ZNF365: variants seen among roughly 807,000 people sequenced by gnomAD.
ZNF365 encodes the protein zinc finger protein 365.
Under a neutral mutation model 35.0 loss-of-function variants are expected in ZNF365, and 22 were observed. The observed-to-expected ratio is 0.63, with a 90% confidence interval of 0.45 to 0.90. The LOEUF (loss-of-function observed/expected upper bound fraction) is 0.90, where lower values mean the gene tolerates loss of function less well. ZNF365 is among the 40% of genes least tolerant of loss of function. The probability of loss-of-function intolerance (pLI) is 0.00; values close to 1 mark genes in which losing one functional copy is unlikely to be tolerated. For synonymous variants in ZNF365, 188 were observed against 196.2 expected, an observed-to-expected ratio of 0.96 and a Z score of 0.35; for missense variants, 448 against 500.3, an observed-to-expected ratio of 0.90 and a Z score of 1.00.
Position 62,398,746 on chromosome 10 carries a change from G to A in ZNF365, c.931G>A (p.Asp311Asn), listed in dbSNP as rs764329853. The A allele has an allele frequency of 2.5e-6, 4 of 1,612,282 alleles. No individual in the cohort carries two copies. Among genetic ancestry groups the A allele is most frequent in the Non-Finnish European group, 3.4e-6 (4 of 1,179,434 alleles). ...CTTATTTGTTTTCCTTCAGCTTACA[G>A]ACATCTCCTCAAATAGGAAGCCCAA... ...VRDLSGHVLT[D>N]ISSNRKPKCL... The change falls in exon 4 of 5, where the codon GAC becomes AAC. Residue 311 changes from aspartate (D) to asparagine (N), a missense_variant. Asp to Asn is a conservative substitution (Grantham distance 23). Coordinates refer to ENST00000395254, the MANE Select transcript of ZNF365 (RefSeq NM_014951.3).
At chr10:62,449,694 A>G (rs1275239865) in intron 3 of ZNF365, among the ~76,000 whole-genome samples, 1 of 152,190 alleles carries the variant, frequency 6.6e-6, no homozygotes, top group Non-Finnish European at 1.5e-5. Flanking sequence ...GCAGTAAATG[A>G]CAATCATCTC....
chr10:62,466,697 GTT>G lies in ZNF365; in HGVS notation c.981+6911_981+6912del, dbSNP rs61021349. ...TGTATTGCACTCAGTATATACTATA[GTT>G]TTTTTTTTTTCTTAATCACCAACAT... On this transcript the variant is annotated intron_variant, in intron 4 of 4. Transcript: ENST00000395255. Among the ~76,000 whole-genome samples, 479 of 148,174 alleles carry G rather than the reference GTT, an allele frequency of 3.2e-3. 5 individuals carry two copies. The highest frequency in any genetic ancestry group is 0.011 in the African/African-American group (462 of 40,778).
chr10:62,468,005 C>T, intron 4 of ZNF365, among the ~76,000 whole-genome samples: 1 of 152,034 alleles, frequency 6.6e-6, no homozygotes, highest in East Asian at 1.9e-4. Context: ...TGATATTTTC[C>T]CTGACTTCAT....
intron 3 of ZNF365, among the ~76,000 whole-genome samples, chr10:62,439,783 T>G (rs1490510463): frequency 6.6e-6 from 1 of 152,220 alleles, no homozygotes; most frequent in Non-Finnish European, 1.5e-5. Context: ...TTTAATGTCT[T>G]TATTGTTTAT....
intron 3 of ZNF365, among the ~76,000 whole-genome samples, chr10:62,424,936 A>T (rs1840229310): frequency 6.6e-6 from 1 of 152,212 alleles, no homozygotes; most frequent in Non-Finnish European, 1.5e-5. Context: ...TTGGGAAATG[A>T]GGCTAGAGAA....
chr10:62,441,795 G>T (rs1840506133), intron 3 of ZNF365, among the ~76,000 whole-genome samples: 6 of 151,892 alleles, frequency 4.0e-5, no homozygotes, highest in Admixed American at 3.3e-4. Context: ...TTGAATCGAA[G>T]AAAGTTTGAG....
At chr10:62,455,638 T>C (rs1160928667) in intron 3 of ZNF365, among the ~76,000 whole-genome samples, 2 of 152,112 alleles carry the variant, frequency 1.3e-5, no homozygotes, top group South Asian at 2.1e-4. Flanking sequence ...ATTTAAACTA[T>C]GTGCATATGG....
chr10:62,454,277 T>G lies in ZNF365; in HGVS notation c.925-5464T>G, dbSNP rs114851967. Among the ~76,000 whole-genome samples the G allele has an allele frequency of 3.1e-3, 466 of 152,312 alleles. 1 individual carries two copies. Among genetic ancestry groups the G allele is most frequent in the African/African-American group, 0.011 (451 of 41,564 alleles). ...AACAAAAGTCTGTACAATATGACAA[T>G]GTATTGTATTTTAAAAGATCCTTTT... is the stretch of plus-strand genomic sequence containing the variant. On this transcript the variant is annotated intron_variant, in intron 3 of 4. Transcript: ENST00000395255.
At chr10:62,430,402 G>C (rs188608958) in intron 3 of ZNF365, among the ~76,000 whole-genome samples, 2 of 151,952 alleles carry the variant, frequency 1.3e-5, no homozygotes, top group African/African-American at 4.8e-5. Flanking sequence ...GGATGGTCTC[G>C]ATCTCCTGAC....
chr10:62,379,646 G>A (rs914365630), intron 2 of ZNF365, among the ~76,000 whole-genome samples: 1 of 151,896 alleles, frequency 6.6e-6, no homozygotes, highest in African/African-American at 2.4e-5. Context: ...CCCCACCCCC[G>A]CACCCCTGCC....
intron 4 of ZNF365, among the ~76,000 whole-genome samples, chr10:62,462,083 G>T (rs1158883433): frequency 6.6e-6 from 1 of 152,060 alleles, no homozygotes; most frequent in Non-Finnish European, 1.5e-5. Flanking sequence ...GCATGCATCG[G>T]AGTACTTTGT....
At chr10:62,457,537 T>C (rs928660552) in intron 3 of ZNF365, among the ~76,000 whole-genome samples, 2 of 152,212 alleles carry the variant, frequency 1.3e-5, no homozygotes, top group Admixed American at 6.5e-5. Flanking sequence ...TAGCTACATA[T>C]AGGGGAAATG....
At chr10:62,461,093 C>A (rs1433351925) in intron 4 of ZNF365, among the ~76,000 whole-genome samples, 1 of 152,208 alleles carries the variant, frequency 6.6e-6, no homozygotes, top group Non-Finnish European at 1.5e-5. Flanking sequence ...GAGACCCAAG[C>A]TTCCTCTCAA....
At chr10:62,449,427 A>G (rs1034780390) in intron 3 of ZNF365, among the ~76,000 whole-genome samples, 1 of 152,084 alleles carries the variant, frequency 6.6e-6, no homozygotes, top group Non-Finnish European at 1.5e-5. Flanking sequence ...ATATTAAGCT[A>G]TGCGCTTATT....
At chr10:62,479,159 A>T (rs1338513755) in intron 4 of ZNF365, among the ~76,000 whole-genome samples, 1 of 152,216 alleles carries the variant, frequency 6.6e-6, no homozygotes, top group Non-Finnish European at 1.5e-5. Flanking sequence ...AAGTTCCAAT[A>T]AATGGCCTGC....
At chr10:62,476,913 C>T (rs1428203249) in intron 4 of ZNF365, among the ~76,000 whole-genome samples, 1 of 152,172 alleles carries the variant, frequency 6.6e-6, no homozygotes, top group Admixed American at 6.5e-5. Context: ...GGGCAATGTC[C>T]ATCATATATT....
At chr10:62,414,077 G>A (rs1011600218) in intron 3 of ZNF365, among the ~76,000 whole-genome samples, 12 of 152,200 alleles carry the variant, frequency 7.9e-5, no homozygotes, top group Middle Eastern at 3.4e-3. Context: ...TAGTTTATTG[G>A]ATATAATAGA....
intron 3 of ZNF365, among the ~76,000 whole-genome samples, chr10:62,425,638 A>G (rs1840239660): frequency 6.6e-6 from 1 of 152,186 alleles, no homozygotes; most frequent in African/African-American, 2.4e-5. Context: ...TCTCAGGCTG[A>G]CCTGTGAAGC....
At chr10:62,454,624 G>A (rs1191116587) in intron 3 of ZNF365, among the ~76,000 whole-genome samples, 1 of 151,244 alleles carries the variant, frequency 6.6e-6, no homozygotes, top group Non-Finnish European at 1.5e-5. Flanking sequence ...TATTACATGT[G>A]CTTCATGTTT....
Sources: allele counts gnomAD v4.1 joint callset (sites outside exome capture counted in the v4.1 genomes callset), GRCh38; gene constraint gnomAD v4.1.1; transcripts MANE v1.5; gene names NCBI Gene and HGNC (gene_info 2026-07-23, HGNC 2026-07-21).